CAMKMT: variants seen among roughly 807,000 people sequenced by gnomAD.
CAMKMT encodes calmodulin-lysine N-methyltransferase.
A neutral mutation model predicts 48.0 loss-of-function variants in CAMKMT; 53 were observed. The ratio of observed to expected loss-of-function variants is 1.10; its 90% CI spans 0.89 to 1.39. CAMKMT has a LOEUF of 1.39. Among genes scored for constraint, CAMKMT ranks in the 40% most tolerant of loss-of-function variants. CAMKMT has a pLI of 0.00. For missense variants in CAMKMT, 428 were observed against 402.7 expected (o/e 1.06, Z -0.54); for synonymous variants, 165 against 152.3 (o/e 1.08, Z -0.61).
intron 3 of CAMKMT, among the ~76,000 whole-genome samples, chr2:44,664,374 T>G (rs889489999): frequency 2.0e-5 from 3 of 152,210 alleles, no homozygotes; most frequent in African/African-American, 7.2e-5. Context: ...AATGTTAAAT[T>G]TAACAAATGT....
intron 3 of CAMKMT, among the ~76,000 whole-genome samples, chr2:44,490,001 C>T (rs1200406478): frequency 6.6e-6 from 1 of 151,996 alleles, no homozygotes; most frequent in Non-Finnish European, 1.5e-5. Context: ...AATACACACA[C>T]ACGCACACTC....
intron 3 of CAMKMT, among the ~76,000 whole-genome samples, chr2:44,418,486 T>C (rs1026237418): frequency 3.3e-5 from 5 of 152,300 alleles, no homozygotes; most frequent in African/African-American, 4.8e-5. Context: ...TTTGGTATCA[T>C]TGATTGAAAA....
intron 3 of CAMKMT, among the ~76,000 whole-genome samples, chr2:44,508,079 C>A (rs929434847): frequency 6.6e-6 from 1 of 152,156 alleles, no homozygotes; most frequent in South Asian, 2.1e-4. Context: ...TGAAAAGTTT[C>A]TAAGTACTTT....
intron 3 of CAMKMT, among the ~76,000 whole-genome samples, chr2:44,460,042 G>T (rs1386436662): frequency 1.3e-5 from 2 of 152,210 alleles, no homozygotes; most frequent in Non-Finnish European, 1.5e-5. Context: ...CAGCCCATCA[G>T]TTAGCAGCAA....
chr2:44,464,736 T>A (rs750391793), intron 3 of CAMKMT, among the ~76,000 whole-genome samples: 4 of 152,190 alleles, frequency 2.6e-5, no homozygotes, highest in Non-Finnish European at 4.4e-5. Flanking sequence ...AATTATCATT[T>A]AAAGATGAAG....
chr2:44,408,584 C>T (rs1682947267), intron 3 of CAMKMT, among the ~76,000 whole-genome samples: 1 of 151,978 alleles, frequency 6.6e-6, no homozygotes, highest in African/African-American at 2.4e-5. Context: ...GGCCACTCAG[C>T]TAGTTTAAAT....
rs564023788 is a variant in CAMKMT, at chr2:44,447,028, A to G, written c.376+56723A>G. ...TCGTATTCCTGACAAGCTTATCTGC[A>G]CAAAATTTTGGTACATTGGACCATT... is the stretch of plus-strand genomic sequence containing the variant. On this transcript the variant is annotated intron_variant, in intron 3 of 10. Transcript: ENST00000378494. Among the ~76,000 whole-genome samples the G allele has an allele frequency of 2.8e-4, 42 of 152,286 alleles. No homozygotes were observed. The South Asian group carries it at 8.7e-3, about 32-fold the overall frequency.
intron 3 of CAMKMT, among the ~76,000 whole-genome samples, chr2:44,489,184 G>T (rs698820): frequency 6.6e-6 from 1 of 150,462 alleles, no homozygotes; most frequent in Non-Finnish European, 1.5e-5. Flanking sequence ...AATTTTTGAC[G>T]TTTTTAAAAT....
At chr2:44,588,291 C>G (rs1172032607) in intron 3 of CAMKMT, among the ~76,000 whole-genome samples, 1 of 66,236 alleles carries the variant, frequency 1.5e-5, no homozygotes, top group Non-Finnish European at 3.0e-5. Context: ...GCAGCCACCC[C>G]GTCCGGGAGG....
chr2:44,650,969 G>A (rs1436481549), intron 3 of CAMKMT, among the ~76,000 whole-genome samples: 4 of 152,218 alleles, frequency 2.6e-5, no homozygotes, highest in East Asian at 1.9e-4. Flanking sequence ...GTCAAAGGAT[G>A]TGGCCAATCT....
rs1558775572 is a variant in CAMKMT at position 44,657,575 on chromosome 2, A to T, written c.377-46708A>T. On this transcript the variant is annotated intron_variant, in intron 3 of 10. Transcript: ENST00000378494. The surrounding 1 kb of genome is among the most constrained non-coding windows in gnomAD (Gnocchi z 4.3). ...TTCAAGTTCATGAATAGATGGACAT[A>T]GAACTTTTTTCGGAACAATTCATGT... is the stretch of plus-strand genomic sequence containing the variant. Among the ~76,000 whole-genome samples, 1 of 152,216 alleles carries T rather than the reference A, an allele frequency of 6.6e-6. No individual in the cohort carries two copies. The highest frequency in any genetic ancestry group is 1.5e-5 in the Non-Finnish European group (1 of 68,040).
chr2:44,547,465 C>A (rs1667470418), intron 3 of CAMKMT, among the ~76,000 whole-genome samples: 1 of 152,016 alleles, frequency 6.6e-6, no homozygotes. Flanking sequence ...GGCTGTAGTG[C>A]ACCATGATCA....
At position 44,550,992 on chromosome 2, in the gene CAMKMT, G is replaced by A. The variant is rs112790328; in HGVS notation, c.377-153291G>A. The stretch of plus-strand genomic sequence containing the variant: ...GTACACAATATATGACAACTTGCAA[G>A]ACCTGGAAACCAGATGTTTTTAAAA... On this transcript the variant is annotated intron_variant, in intron 3 of 10. Coordinates refer to ENST00000378494, the MANE Select transcript of CAMKMT (RefSeq NM_024766.5). Among the ~76,000 whole-genome samples the A allele has an allele frequency of 2.7e-3, 417 of 152,262 alleles. 1 individual carries two copies. The highest frequency in any genetic ancestry group is 9.5e-3 in the African/African-American group (396 of 41,552).
intron 1 of CAMKMT, among the ~76,000 whole-genome samples, chr2:44,368,787 T>A (rs889662547): frequency 6.6e-6 from 1 of 152,230 alleles, no homozygotes; most frequent in African/African-American, 2.4e-5. Flanking sequence ...TTTAATACTT[T>A]GTTTTTTCCT....
chr2:44,717,915 A>G (rs772485787), intron 7 of CAMKMT, among the ~76,000 whole-genome samples: 2 of 151,572 alleles, frequency 1.3e-5, no homozygotes, highest in Non-Finnish European at 2.9e-5. Flanking sequence ...TACTCCGATG[A>G]TGTTCTCAGT....
chr2:44,541,363 C>G (rs1044763585), intron 3 of CAMKMT, among the ~76,000 whole-genome samples: 3 of 152,268 alleles, frequency 2.0e-5, no homozygotes, highest in Non-Finnish European at 2.9e-5. Context: ...CAAGTCTACT[C>G]TTGGGGCTTT....
At chr2:44,412,302 G>A (rs1683261475) in intron 3 of CAMKMT, among the ~76,000 whole-genome samples, 2 of 152,038 alleles carry the variant, frequency 1.3e-5, no homozygotes, top group South Asian at 4.2e-4. Context: ...AATTGTTTTT[G>A]GGCCATTATA....
intron 7 of CAMKMT, among the ~76,000 whole-genome samples, chr2:44,737,468 C>A (rs1279607324): frequency 2.0e-5 from 3 of 152,120 alleles, no homozygotes; most frequent in African/African-American, 7.2e-5. Flanking sequence ...ATTTGTTAGG[C>A]AGAACCAGAG....
chr2:44,736,370 CA>C (rs1004687742), intron 7 of CAMKMT, among the ~76,000 whole-genome samples: 22 of 151,868 alleles, frequency 1.4e-4, no homozygotes, highest in Admixed American at 2.6e-4. Flanking sequence ...ATATTCCTCA[CA>C]AAAAAAATAT....
Sources: gnomAD v4.1 joint callset for allele counts (sites outside exome capture counted in the v4.1 genomes callset) on GRCh38, gnomAD v4.1.1 for gene constraint, Gnocchi (gnomAD v3.1) non-coding constraint, MANE v1.5 for transcripts, NCBI Gene and HGNC (gene_info 2026-07-23, HGNC 2026-07-21) for gene names.